The following THBS4 variants were observed in gnomAD, a reference collection of about 807,000 sequenced individuals.
THBS4 encodes the protein thrombospondin-4.
A neutral mutation model predicts 115.7 loss-of-function variants in THBS4; 90 were observed. The observed-to-expected ratio is 0.78, with a 90% CI of 0.66 to 0.93. The LOEUF (loss-of-function observed/expected upper bound fraction) is 0.93. Among genes scored for constraint, THBS4 ranks in the 40% least tolerant of loss-of-function variants. The probability of loss-of-function intolerance (pLI) is 0.00; values close to 1 mark genes in which losing one functional copy is unlikely to be tolerated. For missense variants in THBS4, 1,087 were observed against 1,232.7 expected (o/e 0.88, Z 1.77); for synonymous variants, 460 against 479.3 (o/e 0.96, Z 0.53).
intron 2 of THBS4, among the ~76,000 whole-genome samples, chr5:80,025,387 GGCCTCTGATTTTA>G (rs1457187682): frequency 6.6e-6 from 1 of 152,212 alleles, no homozygotes; most frequent in Non-Finnish European, 1.5e-5. Flanking sequence ...CAAGTCTGCA[GGCCTCTGATTTTA>G]GCTGCTTAAC....
At chr5:80,003,393 A>G (rs1052136682) in intron 2 of THBS4, among the ~76,000 whole-genome samples, 3 of 152,128 alleles carry the variant, frequency 2.0e-5, no homozygotes, top group African/African-American at 7.2e-5. Context: ...GAAAAAGGGA[A>G]GGAATGGTTT....
At chr5:80,059,369 T>C (rs2434302) in intron 5 of THBS4, 71 bp from the exon 6 acceptor site, 1 of 1,437,242 alleles carries the variant, frequency 7.0e-7, no homozygotes, top group Non-Finnish European at 9.7e-7. Context: ...TAGCTCCACA[T>C]GGATTCTTTC....
chr5:80,015,897 A>G (rs562324088), intron 2 of THBS4, among the ~76,000 whole-genome samples: 4 of 152,366 alleles, frequency 2.6e-5, no homozygotes, highest in Non-Finnish European at 5.9e-5. Context: ...TGGCAAGTAC[A>G]TTCTTAGACA....
chr5:80,056,565 T>G (rs1447825624), intron 3 of THBS4, among the ~76,000 whole-genome samples: 1 of 152,194 alleles, frequency 6.6e-6, no homozygotes, highest in Non-Finnish European at 1.5e-5. Context: ...CTGTCTTCTG[T>G]TTTACTCCAG....
rs369048460 is a variant in THBS4, at chr5:80,082,488, G to A, written c.2767G>A (p.Val923Ile). ...CACAATGCGTGGAGGCCGACTTGGCGTTTTCTGCTTCTCTCAAGAAAACAT... is the reference window on the plus strand; with the variant it reads ...CACAATGCGTGGAGGCCGACTTGGCATTTTCTGCTTCTCTCAAGAAAACAT... The part of the protein sequence containing the change: ...DTTMRGGRLG[V>I]FCFSQENIIW... The change falls in exon 21 of 22, where the codon GTT becomes ATT. Residue 923 changes from valine to isoleucine, a missense_variant. By Grantham distance (29) the Val-to-Ile change is conservative (BLOSUM62 3). Transcript: ENST00000350881. 52 of 1,614,080 alleles carry A rather than the reference G, an allele frequency of 3.2e-5. No homozygotes were observed. The African/African-American group carries it at 6.3e-4, about 19-fold the overall frequency.
chr5:80,035,621 C>G lies in THBS4; in HGVS notation c.84C>G (p.Pro28=), dbSNP rs1294321672. Residue 28 remains proline, a synonymous_variant, in exon 1 of 22, where the codon CCC becomes CCG. Transcript: ENST00000350881. This position sits in a 1 kb window ranked among gnomAD's most constrained non-coding sequence, Gnocchi z 4.6. ...TAGCGGCAGGCGCCCAGGCCACCCC[C>G]CAGGGTAAGTGGGTTCGGGTCGGGC... ...RWLAAGAQAT[P]QVFDLLPSSS... 14 of 1,378,368 alleles carry G rather than the reference C, an allele frequency of 1.0e-5. No individual in the cohort carries two copies. The East Asian group carries it at 1.2e-4, about 12-fold the overall frequency. 85.4% of individuals were successfully genotyped at this position (1,378,368 alleles called of 1,614,324 possible).
chr5:80,002,212 T>C (rs2151150279), intron 2 of THBS4, among the ~76,000 whole-genome samples: 1 of 152,282 alleles, frequency 6.6e-6, no homozygotes, highest in East Asian at 1.9e-4. Flanking sequence ...GGCGTTTTGT[T>C]CTTTGGTATC....
chr5:79,994,960 G>A (rs1831761757), intron 1 of THBS4, among the ~76,000 whole-genome samples: 1 of 152,220 alleles, frequency 6.6e-6, no homozygotes, highest in Non-Finnish European at 1.5e-5. Context: ...CGAAGGGTGG[G>A]TACGTTGCAT....
intron 2 of THBS4, among the ~76,000 whole-genome samples, chr5:80,044,129 G>A (rs1170143381): frequency 6.6e-6 from 1 of 152,118 alleles, no homozygotes; most frequent in African/African-American, 2.4e-5. Context: ...TTTCTAATAT[G>A]ACTTTGTACC....
rs528524871 is a variant in THBS4 at position 80,000,597 on chromosome 5, G to A, written n.177+2170G>A. On this transcript the variant is annotated intron_variant and non_coding_transcript_variant, in intron 2 of 3. Transcript: ENST00000510218. The stretch of plus-strand genomic sequence containing the variant: ...ATCCTAGGGATGGGACAGTAAGGCT[G>A]TCATGAATAAGCATAATTTATATGC... Among the ~76,000 whole-genome samples the A allele has an allele frequency of 3.0e-4, 45 of 152,330 alleles. 1 individual carries two copies. In the South Asian group the frequency reaches 9.1e-3, roughly 31 times the overall value.
chr5:80,005,072 A>G (rs2434308), intron 2 of THBS4, among the ~76,000 whole-genome samples: 58,992 of 152,076 alleles, frequency 0.39, 11,641 homozygotes, highest in South Asian at 0.5. Flanking sequence ...ACTAAAATTT[A>G]GAATAATAAT....
At chr5:80,026,509 G>A (rs1832478975) in intron 2 of THBS4, among the ~76,000 whole-genome samples, 1 of 152,220 alleles carries the variant, frequency 6.6e-6, no homozygotes, top group African/African-American at 2.4e-5. Context: ...TAAAGGACCA[G>A]AGAGTAAATA....
intron 9 of THBS4, chr5:80,066,248 A>G (rs1833820806): frequency 6.6e-6 from 1 of 152,226 alleles, no homozygotes; most frequent in South Asian, 2.1e-4. Context: ...GATGTACCAG[A>G]GTTGACTATC....
intron 1 of THBS4, among the ~76,000 whole-genome samples, chr5:79,998,047 A>T (rs182341871): frequency 3.0e-4 from 46 of 152,354 alleles, no homozygotes; most frequent in African/African-American, 1.0e-3. Context: ...GGTCCAAAAC[A>T]TACAAATAAC....
At chr5:80,075,113 G>A (rs1243771645) in intron 15 of THBS4, 1 of 152,072 alleles carries the variant, frequency 6.6e-6, no homozygotes, top group Non-Finnish European at 1.5e-5. Context: ...GTAAATGCTA[G>A]GTAAATAGTT....
intron 2 of THBS4, among the ~76,000 whole-genome samples, chr5:80,043,949 C>A (rs1832982755): frequency 6.6e-6 from 1 of 152,222 alleles, no homozygotes; most frequent in African/African-American, 2.4e-5. Context: ...AGCCTCCATG[C>A]AGCCTGAGCT....
At chr5:80,027,476 C>T (rs899188637) in intron 2 of THBS4, among the ~76,000 whole-genome samples, 1 of 152,192 alleles carries the variant, frequency 6.6e-6, no homozygotes, top group Non-Finnish European at 1.5e-5. Context: ...CTGTTGTAGG[C>T]AATAATAAAT....
chr5:80,042,550 C>G lies in THBS4; in HGVS notation c.292+2270C>G, dbSNP rs897063391. Among the ~76,000 whole-genome samples, 3 of 152,184 alleles carry G rather than the reference C, an allele frequency of 2.0e-5. No homozygotes were observed. In the South Asian group the frequency reaches 6.2e-4, roughly 32 times the overall value. On this transcript the variant is annotated intron_variant, in intron 2 of 21. Transcript: ENST00000350881. ...GCTGGGAAACACAAGGAAGCAACTT[C>G]CCCTGAACGGATCCTTTCAGTTTGT... is the stretch of plus-strand genomic sequence containing the variant.
chr5:80,043,377 A>G (rs1263714155), intron 2 of THBS4, among the ~76,000 whole-genome samples: 1 of 152,208 alleles, frequency 6.6e-6, no homozygotes, highest in Non-Finnish European at 1.5e-5. Flanking sequence ...AGTGGTGGCC[A>G]TGCTGACTTG....
Sources: allele counts gnomAD v4.1 joint callset (sites outside exome capture counted in the v4.1 genomes callset), GRCh38; gene constraint gnomAD v4.1.1; non-coding constraint Gnocchi (gnomAD v3.1); transcripts MANE v1.5; gene names NCBI Gene and HGNC (gene_info 2026-07-23, HGNC 2026-07-21).